The following TAFA2 variants were observed in gnomAD, a reference collection of about 807,000 sequenced individuals.
TAFA2 encodes chemokine-like protein TAFA-2.
In TAFA2, 7 loss-of-function variants were observed where a neutral mutation model predicts 18.8. The ratio of observed to expected loss-of-function variants is 0.37; its 90% CI spans 0.21 to 0.70. The LOEUF (loss-of-function observed/expected upper bound fraction) is 0.70. Among genes scored for constraint, TAFA2 ranks in the 30% least tolerant of loss-of-function variants. The pLI, the probability that TAFA2 is intolerant of heterozygous loss-of-function variation, is 0.53. For missense variants in TAFA2, 122 were observed against 158.1 expected (o/e 0.77, Z 1.23); for synonymous variants, 60 against 54.2 (o/e 1.11, Z -0.47).
intron 2 of TAFA2, among the ~76,000 whole-genome samples, chr12:61,842,020 A>T (rs1447614575): frequency 1.3e-5 from 2 of 152,072 alleles, no homozygotes; most frequent in Non-Finnish European, 2.9e-5. Context: ...ATGACTAGTC[A>T]GTATCAGAAA....
chr12:62,064,271 T>C (rs944086390), intron 1 of TAFA2, among the ~76,000 whole-genome samples: 6 of 152,126 alleles, frequency 3.9e-5, no homozygotes, highest in African/African-American at 1.4e-4. Context: ...TTTTGTGGAA[T>C]TTTGGAACAC....
chr12:62,083,217 T>A (rs1296571827), intron 1 of TAFA2, among the ~76,000 whole-genome samples: 1 of 151,602 alleles, frequency 6.6e-6, no homozygotes, highest in Non-Finnish European at 1.5e-5. Flanking sequence ...CTGATATAAA[T>A]CTCGTATGAC....
chr12:62,198,663 A>G (rs1442704415), intron 1 of TAFA2, among the ~76,000 whole-genome samples: 1 of 152,194 alleles, frequency 6.6e-6, no homozygotes, highest in Non-Finnish European at 1.5e-5. Context: ...TCTCTCACTT[A>G]TCTTTTAAAT....
At chr12:62,093,817 C>A (rs1466441534) in intron 1 of TAFA2, among the ~76,000 whole-genome samples, 1 of 151,944 alleles carries the variant, frequency 6.6e-6, no homozygotes, top group Non-Finnish European at 1.5e-5. Flanking sequence ...AGTGTTAAGA[C>A]CAACAAATCA....
At chr12:61,960,117 G>A (rs1878831415) in intron 1 of TAFA2, among the ~76,000 whole-genome samples, 1 of 151,898 alleles carries the variant, frequency 6.6e-6, no homozygotes, top group Non-Finnish European at 1.5e-5. Context: ...ATTTTTATTT[G>A]TGATTTCACA....
At chr12:61,743,440 A>C (rs911267163) in intron 4 of TAFA2, among the ~76,000 whole-genome samples, 1 of 152,108 alleles carries the variant, frequency 6.6e-6, no homozygotes, top group African/African-American at 2.4e-5. Flanking sequence ...ATATCATCAA[A>C]TAATTTAACG....
chr12:62,062,152 T>G (rs534282571), intron 1 of TAFA2, among the ~76,000 whole-genome samples: 2 of 152,050 alleles, frequency 1.3e-5, no homozygotes, highest in Admixed American at 6.6e-5. Flanking sequence ...CCAGCCTGGA[T>G]GACAGAGCAA....
At chr12:62,088,050 G>A (rs10877788) in intron 1 of TAFA2, among the ~76,000 whole-genome samples, 28,269 of 151,936 alleles carry the variant, frequency 0.19, 2,880 homozygotes, top group East Asian at 0.39. Context: ...ATCCCAGTTT[G>A]AAGAATAAAT....
chr12:61,880,596 C>T (rs891420909), intron 1 of TAFA2: 7 of 444,882 alleles, frequency 1.6e-5, no homozygotes, highest in South Asian at 3.4e-5. Flanking sequence ...GGGCTGAGCT[C>T]GGCCTATGGG....
chr12:62,150,700 C>T (rs745855138), intron 1 of TAFA2, among the ~76,000 whole-genome samples: 71 of 152,082 alleles, frequency 4.7e-4, no homozygotes, highest in African/African-American at 1.0e-3. Context: ...GTCAGGAGTT[C>T]GAGACCAGCC....
intron 1 of TAFA2, among the ~76,000 whole-genome samples, chr12:62,134,397 C>G (rs1471516709): frequency 6.6e-6 from 1 of 151,780 alleles, no homozygotes. Context: ...CTCTCTTTCC[C>G]TCTCTCTCTC....
intron 1 of TAFA2, among the ~76,000 whole-genome samples, chr12:62,221,006 A>C (rs2062758273): frequency 6.6e-6 from 1 of 151,958 alleles, no homozygotes; most frequent in Admixed American, 6.6e-5. Context: ...AGGGAGGCTG[A>C]GGCAGGAGAA....
At chr12:61,830,624 G>A (rs1872686407) in intron 2 of TAFA2, among the ~76,000 whole-genome samples, 1 of 151,864 alleles carries the variant, frequency 6.6e-6, no homozygotes, top group East Asian at 1.9e-4. Context: ...AATGGGAGAT[G>A]AGAAATTACT....
intron 2 of TAFA2, among the ~76,000 whole-genome samples, chr12:61,834,512 A>G (rs1473245381): frequency 6.6e-6 from 1 of 152,032 alleles, no homozygotes; most frequent in African/African-American, 2.4e-5. Context: ...CTGCAGCTCC[A>G]TTTCCAATAG....
chr12:61,983,383 G>GTTTAT (rs10657709), intron 1 of TAFA2, among the ~76,000 whole-genome samples: 1 of 146,642 alleles, frequency 6.8e-6, no homozygotes, highest in Admixed American at 6.9e-5. Flanking sequence ...CTGGGATTCT[G>GTTTAT]TTTGTTTTGT....
chr12:62,110,104 G>C (rs1367416928), intron 1 of TAFA2, among the ~76,000 whole-genome samples: 1 of 152,108 alleles, frequency 6.6e-6, no homozygotes, highest in Non-Finnish European at 1.5e-5. Flanking sequence ...GTATGATATT[G>C]GCTGTGGGTT....
intron 1 of TAFA2, among the ~76,000 whole-genome samples, chr12:61,956,265 A>G (rs1019042501): frequency 6.6e-6 from 1 of 152,084 alleles, no homozygotes; most frequent in Non-Finnish European, 1.5e-5. Flanking sequence ...ATACTAATAC[A>G]TCTTAAGTTG....
chr12:61,801,004 A>AATGT (rs1270100262), intron 2 of TAFA2, among the ~76,000 whole-genome samples: 1 of 152,164 alleles, frequency 6.6e-6, no homozygotes, highest in African/African-American at 2.4e-5. Flanking sequence ...AGTTGTAAAG[A>AATGT]ATGTCTAAGA....
chr12:61,899,896 T>C (rs1876022597), intron 1 of TAFA2, among the ~76,000 whole-genome samples: 2 of 152,204 alleles, frequency 1.3e-5, no homozygotes, highest in Admixed American at 1.3e-4. Flanking sequence ...CACAAGATGA[T>C]TTGCATAGGT....
Sources: allele counts gnomAD v4.1 joint callset (sites outside exome capture counted in the v4.1 genomes callset), GRCh38; gene constraint gnomAD v4.1.1; transcripts MANE v1.5; gene names NCBI Gene and HGNC (gene_info 2026-07-23, HGNC 2026-07-21).